Variants in GRID1 observed in about 807,000 individuals in gnomAD.
The protein encoded by GRID1 is glutamate receptor ionotropic, delta-1.
Under a neutral mutation model 98.0 loss-of-function variants are expected in GRID1, and 28 were observed. That is an observed-to-expected ratio of 0.29 (90% CI 0.21 to 0.39). GRID1 has a LOEUF of 0.39. Ranked by LOEUF, GRID1 falls within the 10% of genes least tolerant of loss-of-function variation. The pLI, the probability that GRID1 is intolerant of heterozygous loss-of-function variation, is 1.00. For missense variants in GRID1, 1,111 were observed against 1,340.5 expected (o/e 0.83, Z 2.67); for synonymous variants, 553 against 538.5 (o/e 1.03, Z -0.37).
intron 2 of GRID1, among the ~76,000 whole-genome samples, chr10:86,242,381 G>A (rs1313090864): frequency 6.6e-6 from 1 of 152,068 alleles, no homozygotes; most frequent in African/African-American, 2.4e-5. Context: ...CCCAGACGCT[G>A]ACCTTGAGAG....
chr10:86,006,909 G>A (rs1195889254), intron 4 of GRID1, among the ~76,000 whole-genome samples: 1 of 152,036 alleles, frequency 6.6e-6, no homozygotes, highest in Non-Finnish European at 1.5e-5. Flanking sequence ...GCGGTGGTGG[G>A]GTTATGAAGC....
chr10:85,885,277 CT>C (rs1179450291), intron 5 of GRID1, among the ~76,000 whole-genome samples: 1 of 152,260 alleles, frequency 6.6e-6, no homozygotes, highest in East Asian at 1.9e-4. Flanking sequence ...CAAAACTGTC[CT>C]TTTTATAGTG....
intron 12 of GRID1, among the ~76,000 whole-genome samples, chr10:85,713,846 G>A (rs1048239949): frequency 6.6e-6 from 1 of 151,834 alleles, no homozygotes; most frequent in African/African-American, 2.4e-5. Flanking sequence ...TAAATGTCAT[G>A]TACCTTAACA....
chr10:85,709,655 C>A (rs1056336587), intron 12 of GRID1, among the ~76,000 whole-genome samples: 6 of 152,078 alleles, frequency 3.9e-5, no homozygotes, highest in African/African-American at 1.2e-4. Context: ...AGCTCATAGT[C>A]TGGATTAGAA....
intron 8 of GRID1, among the ~76,000 whole-genome samples, chr10:85,831,710 A>T (rs1842868751): frequency 6.6e-6 from 1 of 152,130 alleles, no homozygotes; most frequent in African/African-American, 2.4e-5. Flanking sequence ...TGCCTCTAAT[A>T]AACCCTGGGT....
chr10:86,052,320 G>C (rs1188873729), intron 4 of GRID1: 5 of 152,194 alleles, frequency 3.3e-5, no homozygotes, highest in African/African-American at 1.2e-4. Flanking sequence ...ATCTGAGGGA[G>C]TGGGGAGGGG....
chr10:86,127,604 G>A (rs1430757461), intron 4 of GRID1, among the ~76,000 whole-genome samples: 1 of 152,170 alleles, frequency 6.6e-6, no homozygotes, highest in Non-Finnish European at 1.5e-5. Flanking sequence ...CTCCAGCTGA[G>A]TGCTGGACCA....
chr10:86,078,077 C>T (rs554249880), intron 4 of GRID1, among the ~76,000 whole-genome samples: 1 of 152,248 alleles, frequency 6.6e-6, no homozygotes, highest in Non-Finnish European at 1.5e-5. Flanking sequence ...CTGGCAGTGC[C>T]AGGGCCGGCA....
chr10:86,318,773 A>G (rs1847931872), intron 2 of GRID1, among the ~76,000 whole-genome samples: 1 of 152,190 alleles, frequency 6.6e-6, no homozygotes, highest in Admixed American at 6.5e-5. Context: ...CATTCATTCA[A>G]CTAAGCACCT....
At chr10:86,106,082 G>A (rs1844381620) in intron 4 of GRID1, among the ~76,000 whole-genome samples, 1 of 152,174 alleles carries the variant, frequency 6.6e-6, no homozygotes, top group African/African-American at 2.4e-5. Flanking sequence ...GAGCTCCAGG[G>A]TCTGAGAGCT....
At chr10:85,641,970 C>T (rs954596715) in intron 13 of GRID1, among the ~76,000 whole-genome samples, 7 of 152,188 alleles carry the variant, frequency 4.6e-5, no homozygotes, top group African/African-American at 1.7e-4. Context: ...TGCCTGTGCA[C>T]TATTTGATTA....
At chr10:86,012,972 G>A (rs891018547) in intron 4 of GRID1, among the ~76,000 whole-genome samples, 4 of 152,160 alleles carry the variant, frequency 2.6e-5, no homozygotes, top group Non-Finnish European at 4.4e-5. Flanking sequence ...ATAATACCAC[G>A]ATCTTTGGGG....
intron 2 of GRID1, among the ~76,000 whole-genome samples, chr10:86,222,026 G>A (rs1038789508): frequency 6.6e-6 from 1 of 152,178 alleles, no homozygotes; most frequent in Non-Finnish European, 1.5e-5. Context: ...ATGGGGGGAA[G>A]AAGGGGACAG....
chr10:85,983,699 G>T (rs1271692909), intron 4 of GRID1, among the ~76,000 whole-genome samples: 2 of 152,068 alleles, frequency 1.3e-5, no homozygotes, highest in Non-Finnish European at 2.9e-5. Context: ...CCCTGTGGAT[G>T]GTGAGTAGGA....
intron 7 of GRID1, 99 bp from the exon 8 acceptor site, chr10:85,854,714 G>A: frequency 8.0e-7 from 1 of 1,253,338 alleles, no homozygotes; most frequent in Non-Finnish European, 1.1e-6. Context: ...CAAGAACGGA[G>A]CAATCAGTTT....
At chr10:85,873,216 G>A (rs1253026959) in intron 5 of GRID1, among the ~76,000 whole-genome samples, 5 of 152,172 alleles carry the variant, frequency 3.3e-5, no homozygotes, top group African/African-American at 9.7e-5. Context: ...GAGACACCCC[G>A]ACCTCGGGAC....
intron 2 of GRID1, among the ~76,000 whole-genome samples, chr10:86,327,137 A>G (rs1294058256): frequency 6.6e-6 from 1 of 152,226 alleles, no homozygotes; most frequent in Non-Finnish European, 1.5e-5. Flanking sequence ...CTCCATCTCA[A>G]AAACAACAAC....
At chr10:85,941,361 C>T (rs1430258021) in intron 4 of GRID1, among the ~76,000 whole-genome samples, 1 of 151,992 alleles carries the variant, frequency 6.6e-6, no homozygotes. Flanking sequence ...ACACAAAAAC[C>T]ACATAACTCT....
chr10:86,009,839 A>T (rs1842905097), intron 4 of GRID1, among the ~76,000 whole-genome samples: 1 of 152,218 alleles, frequency 6.6e-6, no homozygotes, highest in Non-Finnish European at 1.5e-5. Context: ...AAGGAGAACT[A>T]ACCCAAAAAG....
Sources: allele counts gnomAD v4.1 joint callset (sites outside exome capture counted in the v4.1 genomes callset), GRCh38; gene constraint gnomAD v4.1.1; transcripts MANE v1.5; gene names NCBI Gene and HGNC (gene_info 2026-07-23, HGNC 2026-07-21).